GALNT3: variants seen among roughly 807,000 people sequenced by gnomAD.
GALNT3 encodes GalNAc transferase 3.
Under a neutral mutation model 69.8 loss-of-function variants are expected in GALNT3, and 51 were observed. The ratio of observed to expected loss-of-function variants is 0.73; its 90% CI spans 0.58 to 0.92. The LOEUF is 0.92. Among genes scored for constraint, GALNT3 ranks in the 40% least tolerant of loss-of-function variants. The pLI, the probability that GALNT3 is intolerant of heterozygous loss-of-function variation, is 0.00. For synonymous variants in GALNT3, 265 were observed against 248.5 expected, an observed-to-expected ratio of 1.07 and a Z score of -0.63; for missense variants, 711 against 760.0, an observed-to-expected ratio of 0.94 and a Z score of 0.76.
intron 9 of GALNT3, among the ~76,000 whole-genome samples, chr2:165,751,786 T>C (rs570226191): frequency 6.6e-6 from 1 of 152,228 alleles, no homozygotes. Context: ...TTTTATGCTA[T>C]AAAAATATTA....
In GALNT3 at chr2:165,758,858, G is replaced by A. The variant is rs1688492912; in HGVS notation, c.1080C>T (p.Pro360=). Residue 360 remains proline, a synonymous_variant, in exon 6 of 11, where the codon CCC becomes CCT. Transcript: ENST00000392701. ...TGGAAAAAAGTCCTCCTGCAAAAGT[G>A]GGTGTTCTGAAAAATAATCCATTGT... is the stretch of plus-strand genomic sequence containing the variant. The part of the protein sequence containing the change: ...RKDETYPIKT[P]TFAGGLFSIS... 1 of 1,586,458 alleles carries A rather than the reference G, an allele frequency of 6.3e-7. No individual in the cohort carries two copies. Among genetic ancestry groups the A allele is most frequent in the Non-Finnish European group, 8.7e-7 (1 of 1,155,178 alleles).
chr2:165,749,214 C>T lies in GALNT3; in HGVS notation c.1780-311G>A, dbSNP rs1394223919. 2.0e-5 allele frequency among the ~76,000 whole-genome samples: 3 copies of T among 151,994 alleles called. No individual in the cohort carries two copies. In the East Asian group the frequency reaches 5.8e-4, roughly 29 times the overall value. ...TTAAAAACATCATAAATTATAAAAG[C>T]CAGTGTTAACGTTTTCTAGTACTGC... On this transcript the variant is annotated intron_variant, in intron 10 of 10. Coordinates refer to ENST00000392701, the MANE Select transcript of GALNT3 (RefSeq NM_004482.4).
intron 1 of GALNT3, among the ~76,000 whole-genome samples, chr2:165,790,267 A>G (rs1199128147): frequency 6.6e-6 from 1 of 152,186 alleles, no homozygotes; most frequent in Non-Finnish European, 1.5e-5. Flanking sequence ...GAAGTGTCAT[A>G]TAATTGTCAG....
At chr2:165,777,487 A>C (rs1409450481) in intron 1 of GALNT3, among the ~76,000 whole-genome samples, 1 of 152,218 alleles carries the variant, frequency 6.6e-6, no homozygotes, top group Non-Finnish European at 1.5e-5. Context: ...GTGCTTGGGT[A>C]GAAGTTTTAT....
At chr2:165,783,871 AT>A (rs1369728398) in intron 1 of GALNT3, among the ~76,000 whole-genome samples, 3 of 152,184 alleles carry the variant, frequency 2.0e-5, no homozygotes, top group African/African-American at 7.2e-5. Context: ...CAAGTCTTCC[AT>A]AACATCATTT....
rs1688504289 is a variant in GALNT3 at position 165,759,470 on chromosome 2, C to CCTTCA, written c.938_939insTGAAG (p.Phe314GlufsTer81). ...AAGGAGAAGGTTTGTTGAATTCAAA[C>CCTTCA]GTGTTCAGATCTATGGATGCAATAT... On this transcript the variant is annotated frameshift_variant, in exon 5 of 11. Transcript: ENST00000392701. LOFTEE classifies it high-confidence loss of function. The CCTTCA allele has an allele frequency of 6.2e-7, 1 of 1,613,902 alleles. No individual in the cohort carries two copies. The highest frequency in any genetic ancestry group is 1.3e-5 in the African/African-American group (1 of 74,896).
At chr2:165,784,702 T>G (rs990380545) in intron 1 of GALNT3, among the ~76,000 whole-genome samples, 3 of 152,098 alleles carry the variant, frequency 2.0e-5, no homozygotes, top group Non-Finnish European at 2.9e-5. Flanking sequence ...TGGAATGCTC[T>G]CTCTTCTGCA....
chr2:165,783,540 GAA>G, intron 1 of GALNT3, among the ~76,000 whole-genome samples: 1 of 152,110 alleles, frequency 6.6e-6, no homozygotes, highest in Non-Finnish European at 1.5e-5. Flanking sequence ...TTACCCTCTA[GAA>G]AAAGTGTCAA....
At chr2:165,773,768 A>AT (rs1435630481) in intron 1 of GALNT3, among the ~76,000 whole-genome samples, 1 of 151,666 alleles carries the variant, frequency 6.6e-6, no homozygotes, top group Non-Finnish European at 1.5e-5. Context: ...GGAAAGTCCA[A>AT]TTTTTCCAAT....
chr2:165,779,787 A>G (rs937737443), intron 1 of GALNT3, among the ~76,000 whole-genome samples: 3 of 152,224 alleles, frequency 2.0e-5, no homozygotes, highest in Admixed American at 6.5e-5. Flanking sequence ...CAAACCTACA[A>G]TAATCCTCAC....
chr2:165,782,229 T>C lies in GALNT3; in HGVS notation c.-108-11421A>G, dbSNP rs77977505. The stretch of plus-strand genomic sequence containing the variant: ...TGAAGAAAGGGGAAATTCTAAAGCC[T>C]TCTACTCAGCTCTCCTATCACATGG... On this transcript the variant is annotated intron_variant, in intron 1 of 10. Coordinates refer to ENST00000392701, the MANE Select transcript of GALNT3 (RefSeq NM_004482.4). 2.6e-4 allele frequency among the ~76,000 whole-genome samples: 39 copies of C among 152,252 alleles called. No individual in the cohort carries two copies. The East Asian group carries it at 7.1e-3, about 28-fold the overall frequency.
intron 1 of GALNT3, among the ~76,000 whole-genome samples, chr2:165,778,802 T>A (rs1433402835): frequency 1.3e-5 from 2 of 152,184 alleles, no homozygotes; most frequent in Admixed American, 1.3e-4. Flanking sequence ...GAATCTGGAA[T>A]CACAGAGGTT....
At position 165,758,814 on chromosome 2, in the gene GALNT3, T is replaced by C; in HGVS notation, c.1124A>G (p.Glu375Gly). Residue 375 changes from glutamate (E) to glycine (G), a missense_variant, in exon 6 of 11, where the codon GAG (glutamate) becomes GGG (glycine). Physicochemically the swap from Glu to Gly is moderately conservative, Grantham distance 98. Coordinates refer to ENST00000392701, the MANE Select transcript of GALNT3 (RefSeq NM_004482.4). The part of the protein sequence containing the change: ...GLFSISKEYF[E>G]YIGSYDEEME... ...TTCTTCATCATAGCTTCCAATATAC[T>C]CAAAATATTCTTTTGATATGGAAAA... The C allele has an allele frequency of 6.2e-7, 1 of 1,611,546 alleles. No homozygotes were observed. Among genetic ancestry groups the C allele is most frequent in the East Asian group, 2.2e-5 (1 of 44,750 alleles).
chr2:165,774,128 T>C (rs1044815306), intron 1 of GALNT3, among the ~76,000 whole-genome samples: 13 of 152,180 alleles, frequency 8.5e-5, no homozygotes, highest in African/African-American at 2.9e-4. Context: ...TGGTTCCCAG[T>C]TGATGAACTA....
At chr2:165,768,792 CT>C (rs71028502) in intron 2 of GALNT3, among the ~76,000 whole-genome samples, 52,453 of 125,822 alleles carry the variant, frequency 0.42, 10,196 homozygotes, top group Non-Finnish European at 0.48. Context: ...ATCTTGTACT[CT>C]TTTTTTTTTT....
At chr2:165,754,247 G>A (rs1473483664) in intron 9 of GALNT3, among the ~76,000 whole-genome samples, 7 of 151,414 alleles carry the variant, frequency 4.6e-5, no homozygotes, top group African/African-American at 1.5e-4. Flanking sequence ...GCACCACCAC[G>A]CCCGACAAAT....
chr2:165,773,054 G>C (rs1199326474), intron 1 of GALNT3, among the ~76,000 whole-genome samples: 1 of 152,156 alleles, frequency 6.6e-6, no homozygotes, highest in African/African-American at 2.4e-5. Flanking sequence ...ATGATTTCAA[G>C]AGAGTCCAGG....
At chr2:165,760,493 G>A (rs1054253489) in intron 4 of GALNT3, among the ~76,000 whole-genome samples, 1 of 152,214 alleles carries the variant, frequency 6.6e-6, no homozygotes, top group Non-Finnish European at 1.5e-5. Flanking sequence ...CGGGAGGACC[G>A]TCAGACATAT....
intron 3 of GALNT3, among the ~76,000 whole-genome samples, chr2:165,762,411 AT>A (rs1463157457): frequency 6.6e-6 from 1 of 152,228 alleles, no homozygotes; most frequent in African/African-American, 2.4e-5. Context: ...AGTGAAAGAT[AT>A]GGAATTTGGC....
Sources: gnomAD v4.1 joint callset for allele counts (sites outside exome capture counted in the v4.1 genomes callset) on GRCh38, gnomAD v4.1.1 for gene constraint, MANE v1.5 for transcripts, NCBI Gene and HGNC (gene_info 2026-07-23, HGNC 2026-07-21) for gene names.